The following ITPR2 variants were observed in gnomAD, a reference collection of about 807,000 sequenced individuals.
The protein encoded by ITPR2 is inositol 1,4,5-trisphosphate receptor type 2, also known as inositol 1,4,5-trisphosphate-gated calcium channel ITPR2.
Under a neutral mutation model 317.1 loss-of-function variants are expected in ITPR2, and 207 were observed. The ratio of observed to expected loss-of-function variants is 0.65; its 90% CI spans 0.58 to 0.73. The LOEUF (loss-of-function observed/expected upper bound fraction) is 0.73, where lower values mean the gene tolerates loss of function less well. Ranked by LOEUF, ITPR2 falls within the 30% of genes least tolerant of loss-of-function variation. The probability of loss-of-function intolerance (pLI) is 0.00; values close to 1 mark genes in which losing one functional copy is unlikely to be tolerated. For missense variants in ITPR2, 2,613 were observed against 3,284.0 expected (o/e 0.80, Z 4.99); for synonymous variants, 1,156 against 1,149.1 (o/e 1.01, Z -0.12).
At chr12:26,539,089 C>T (rs576492771) in intron 37 of ITPR2, among the ~76,000 whole-genome samples, 1 of 152,120 alleles carries the variant, frequency 6.6e-6, no homozygotes, top group Non-Finnish European at 1.5e-5. Context: ...GCCTCATATA[C>T]CAGGTTGCAA....
intron 2 of ITPR2, among the ~76,000 whole-genome samples, chr12:26,754,059 T>C (rs1949479581): frequency 6.6e-6 from 1 of 152,184 alleles, no homozygotes. Context: ...ATTAATTGGT[T>C]TAATAATAAG....
At chr12:26,429,411 T>TA (rs926635387) in intron 48 of ITPR2, among the ~76,000 whole-genome samples, 1 of 152,188 alleles carries the variant, frequency 6.6e-6, no homozygotes, top group African/African-American at 2.4e-5. Context: ...CTCTGAAAGT[T>TA]ACCTTCAATT....
At chr12:26,770,395 C>T (rs1949818131) in intron 2 of ITPR2, among the ~76,000 whole-genome samples, 2 of 152,188 alleles carry the variant, frequency 1.3e-5, no homozygotes, top group Non-Finnish European at 2.9e-5. Flanking sequence ...GCCAGAAATG[C>T]CTCTTTCTCC....
chr12:26,358,585 C>T (rs1938716362), intron 55 of ITPR2, among the ~76,000 whole-genome samples: 1 of 152,076 alleles, frequency 6.6e-6, no homozygotes, highest in Admixed American at 6.5e-5. Flanking sequence ...GATTAAACTA[C>T]TTATTCTCAT....
rs139011255 is a variant in ITPR2, at chr12:26,510,460, C to A, written c.5074-15200G>T. ...AGACTTTGTTGACAAGACCTGACCA[C>A]ACACCTGTTTACTTACAGCTTTAGC... On this transcript the variant is annotated intron_variant, in intron 37 of 56. Coordinates refer to ENST00000381340, the MANE Select transcript of ITPR2 (RefSeq NM_002223.4). 2.1e-3 allele frequency among the ~76,000 whole-genome samples: 318 copies of A among 152,304 alleles called. 1 individual carries two copies. Among genetic ancestry groups the A allele is most frequent in the South Asian group, 7.7e-3 (37 of 4,824 alleles).
At chr12:26,578,971 A>G in intron 33 of ITPR2, 138 bp from the exon 34 acceptor site, 1 of 763,862 alleles carries the variant, frequency 1.3e-6, no homozygotes. Flanking sequence ...GTTAATAAAT[A>G]TCTCATTCAT....
chr12:26,381,198 C>A (rs1188533475), intron 55 of ITPR2, among the ~76,000 whole-genome samples: 1 of 152,144 alleles, frequency 6.6e-6, no homozygotes, highest in African/African-American at 2.4e-5. Context: ...GGGACATAAC[C>A]CTTCCTGCTG....
intron 8 of ITPR2, among the ~76,000 whole-genome samples, chr12:26,713,094 G>A (rs1022268863): frequency 2.6e-5 from 4 of 152,204 alleles, no homozygotes; most frequent in African/African-American, 9.7e-5. Context: ...AGTGGGAGCA[G>A]CTGACTAGTG....
intron 21 of ITPR2, among the ~76,000 whole-genome samples, chr12:26,636,120 AG>A (rs1397403914): frequency 1.3e-5 from 2 of 152,198 alleles, no homozygotes; most frequent in Non-Finnish European, 2.9e-5. Context: ...CCGAACCTAC[AG>A]GGAACTTGCT....
chr12:26,466,342 T>C (rs544100055), intron 45 of ITPR2, among the ~76,000 whole-genome samples: 10 of 152,364 alleles, frequency 6.6e-5, no homozygotes, highest in African/African-American at 2.4e-4. Context: ...CATTAATGAA[T>C]ACTATAGGTA....
chr12:26,573,734 GA>G (rs1945215519), intron 34 of ITPR2, among the ~76,000 whole-genome samples: 1 of 152,208 alleles, frequency 6.6e-6, no homozygotes, highest in Non-Finnish European at 1.5e-5. Flanking sequence ...GGAAATGCCT[GA>G]AGCAGATGAG....
intron 35 of ITPR2, among the ~76,000 whole-genome samples, chr12:26,559,562 CTAATACT>C (rs1944758697): frequency 1.3e-4 from 2 of 15,982 alleles, no homozygotes; most frequent in African/African-American, 3.0e-4. Flanking sequence ...AATACTAATA[CTAATACT>C]ATCCCCTTGG....
In ITPR2 at chr12:26,431,754, G is replaced by C. The variant is rs79314294; in HGVS notation, c.6770-3666C>G. ...TCTCTCAGTTAATATCATAACCCAA[G>C]TGTGAACCAAATATTTGAGCACAAG... On this transcript the variant is annotated intron_variant, in intron 48 of 56. Coordinates refer to ENST00000381340, the MANE Select transcript of ITPR2 (RefSeq NM_002223.4). Among the ~76,000 whole-genome samples the C allele has an allele frequency of 5.7e-3, 869 of 152,254 alleles. 8 individuals are homozygous for C. Among genetic ancestry groups the C allele is most frequent in the African/African-American group, 0.02 (815 of 41,526 alleles).
intron 26 of ITPR2, among the ~76,000 whole-genome samples, chr12:26,617,393 A>T (rs1262391689): frequency 1.3e-5 from 2 of 152,238 alleles, no homozygotes; most frequent in African/African-American, 4.8e-5. Flanking sequence ...GAATGAATTT[A>T]TAACCATTAA....
intron 31 of ITPR2, among the ~76,000 whole-genome samples, chr12:26,596,492 C>A (rs1945848433): frequency 6.6e-6 from 1 of 151,902 alleles, no homozygotes. Flanking sequence ...ACTAAAAATA[C>A]AAAAATTAGC....
intron 26 of ITPR2, among the ~76,000 whole-genome samples, chr12:26,613,586 A>G (rs1946317721): frequency 6.6e-6 from 1 of 151,792 alleles, no homozygotes; most frequent in Non-Finnish European, 1.5e-5. Flanking sequence ...ACACACACAC[A>G]CACGGCAAAA....
At chr12:26,713,926 C>A (rs988655487) in intron 8 of ITPR2, among the ~76,000 whole-genome samples, 2 of 152,128 alleles carry the variant, frequency 1.3e-5, no homozygotes, top group African/African-American at 4.8e-5. Flanking sequence ...TTTCATGCAG[C>A]CTCGTGTATT....
At chr12:26,478,655 T>C (rs1275123772) in intron 43 of ITPR2, among the ~76,000 whole-genome samples, 1 of 152,176 alleles carries the variant, frequency 6.6e-6, no homozygotes, top group Non-Finnish European at 1.5e-5. Flanking sequence ...TGAATTGAAT[T>C]GATAGTATAA....
At chr12:26,559,549 C>T (rs1162992422) in intron 35 of ITPR2, among the ~76,000 whole-genome samples, 1 of 151,784 alleles carries the variant, frequency 6.6e-6, no homozygotes, top group Non-Finnish European at 1.5e-5. Context: ...GACATCACCT[C>T]CTAATACTAA....
Sources: allele counts gnomAD v4.1 joint callset (sites outside exome capture counted in the v4.1 genomes callset), GRCh38; gene constraint gnomAD v4.1.1; transcripts MANE v1.5; gene names NCBI Gene and HGNC (gene_info 2026-07-23, HGNC 2026-07-21).